The following FLRT2 variants were observed in gnomAD, a reference collection of about 807,000 sequenced individuals.
FLRT2 encodes leucine-rich repeat transmembrane protein FLRT2.
In FLRT2, 15 loss-of-function variants were observed where a neutral mutation model predicts 40.0. The ratio of observed to expected loss-of-function variants is 0.38; its 90% CI spans 0.25 to 0.58. The LOEUF is 0.58. FLRT2 is among the 20% of genes least tolerant of loss of function. The pLI is 0.71. For synonymous variants in FLRT2, 380 were observed against 336.8 expected, an observed-to-expected ratio of 1.13 and a Z score of -1.41; for missense variants, 726 against 840.0, an observed-to-expected ratio of 0.86 and a Z score of 1.68.
intron 1 of FLRT2, among the ~76,000 whole-genome samples, chr14:85,576,636 G>A (rs573595893): frequency 6.6e-6 from 1 of 152,286 alleles, no homozygotes; most frequent in East Asian, 1.9e-4. Flanking sequence ...AAATGCAATG[G>A]CAGTACACAC....
chr14:85,560,093 C>T (rs969997285), intron 1 of FLRT2, among the ~76,000 whole-genome samples: 12 of 152,184 alleles, frequency 7.9e-5, no homozygotes, highest in African/African-American at 1.4e-4. Flanking sequence ...CCAGCTCTGA[C>T]TCTTTGGGGC....
chr14:85,589,058 A>G (rs111405607), intron 1 of FLRT2, among the ~76,000 whole-genome samples: 1 of 152,330 alleles, frequency 6.6e-6, no homozygotes, highest in African/African-American at 2.4e-5. Flanking sequence ...GTGCTGCAAC[A>G]AACATGGGGA....
chr14:85,563,742 G>C (rs1407942092), intron 1 of FLRT2, among the ~76,000 whole-genome samples: 4 of 152,052 alleles, frequency 2.6e-5, no homozygotes, highest in Admixed American at 2.6e-4. Flanking sequence ...ACCATGACTT[G>C]GCTCAGATCT....
At chr14:85,565,218 A>G (rs1890564497) in intron 1 of FLRT2, among the ~76,000 whole-genome samples, 1 of 152,194 alleles carries the variant, frequency 6.6e-6, no homozygotes, top group East Asian at 1.9e-4. Context: ...TGACCCAAAT[A>G]GCATATGCAG....
rs1278367005 is a variant in FLRT2 at position 85,625,354 on chromosome 14, G to C, written c.*1857G>C. 29 of 167,026 alleles carry C rather than the reference G, an allele frequency of 1.7e-4. No homozygotes were observed. The allele number at this position is 167,026 out of a possible 1,614,324, so 10.3% of individuals were successfully genotyped here. A position where few individuals can be genotyped will look rare whatever the true frequency, so the allele number is the denominator to read the frequency against. The stretch of plus-strand genomic sequence containing the variant: ...ACTGTGATGTGTCTTCTTTGTAAAA[G>C]TTTAGGTATAAAATGCTATGCAACT... On this transcript the variant is annotated 3_prime_UTR_variant, in exon 2 of 2. Transcript: ENST00000330753.
At chr14:85,611,316 A>G (rs1280184982) in intron 1 of FLRT2, among the ~76,000 whole-genome samples, 3 of 152,222 alleles carry the variant, frequency 2.0e-5, no homozygotes, top group Non-Finnish European at 2.9e-5. Context: ...CATGAGAAAT[A>G]CTAGTTTTAA....
rs1316841407 is a variant in FLRT2, at chr14:85,631,399, A to G, written c.*7902A>G. 1 of 152,028 alleles carries G rather than the reference A, an allele frequency of 6.6e-6. No individual in the cohort carries two copies. Among genetic ancestry groups the G allele is most frequent in the African/African-American group, 2.4e-5 (1 of 41,362 alleles). The allele number at this position is 152,028 out of a possible 1,614,324, so 9.4% of individuals were successfully genotyped here. A position where few individuals can be genotyped will look rare whatever the true frequency, so the allele number is the denominator to read the frequency against. ...TTGTAATTTTTTGTGAGTCTGCTTC[A>G]TGCCTATACAATGGGGCCCCTGGAA... On this transcript the variant is annotated 3_prime_UTR_variant, in exon 2 of 2. Coordinates refer to ENST00000330753, the MANE Select transcript of FLRT2 (RefSeq NM_013231.6).
At position 85,640,761 on chromosome 14, in the gene FLRT2, A is replaced by T. The variant is rs1894130971; in HGVS notation, c.*17264A>T. On this transcript the variant is annotated 3_prime_UTR_variant, in exon 2 of 2. Coordinates refer to ENST00000330753, the MANE Select transcript of FLRT2 (RefSeq NM_013231.6). ...CCCTTGAGTAGAACATAGGCCACAT[A>T]GTGTGGCAAACACATCATTAGAAAC... The T allele has an allele frequency of 6.6e-6, 1 of 151,952 alleles. No homozygotes were observed. The highest frequency in any genetic ancestry group is 1.5e-5 in the Non-Finnish European group (1 of 68,024). The allele number at this position is 151,952 out of a possible 1,614,324, so 9.4% of individuals were successfully genotyped here. A position where few individuals can be genotyped will look rare whatever the true frequency, so the allele number is the denominator to read the frequency against.
At position 85,598,981 on chromosome 14, in the gene FLRT2, A is replaced by G. The variant is rs549352200; in HGVS notation, c.-376-22158A>G. Among the ~76,000 whole-genome samples the G allele has an allele frequency of 4.0e-4, 57 of 143,228 alleles. 1 individual carries two copies. The South Asian group carries it at 9.2e-3, about 23-fold the overall frequency. 94.0% of individuals were successfully genotyped at this position (143,228 alleles called of 152,430 possible). ...CGCCCAGGCTGGAGTGCAGTGGCACAGTCTTGGCTCACTGCAAGCTCCGCC... is the reference window on the plus strand; with the variant it reads ...CGCCCAGGCTGGAGTGCAGTGGCACGGTCTTGGCTCACTGCAAGCTCCGCC... On this transcript the variant is annotated intron_variant, in intron 1 of 1. Coordinates refer to ENST00000330753, the MANE Select transcript of FLRT2 (RefSeq NM_013231.6).
At chr14:85,560,503 C>A (rs551043130) in intron 1 of FLRT2, among the ~76,000 whole-genome samples, 3 of 151,970 alleles carry the variant, frequency 2.0e-5, no homozygotes, top group Non-Finnish European at 4.4e-5. Flanking sequence ...TGAACTGGGA[C>A]TCGGGAGGCG....
At chr14:85,579,144 C>T (rs748829897) in intron 1 of FLRT2, among the ~76,000 whole-genome samples, 15 of 152,252 alleles carry the variant, frequency 9.9e-5, no homozygotes, top group Admixed American at 2.0e-4. Context: ...CTCCTTCCCC[C>T]GGGAGCTGCC....
At position 85,638,926 on chromosome 14, in the gene FLRT2, A is replaced by T. The variant is rs1894077992; in HGVS notation, c.*15429A>T. ...AAACATACAGTGCAAAAAAGCAAACAAAAGTTAGCTAATAATCAATTCTTT... is the reference window on the plus strand; with the variant it reads ...AAACATACAGTGCAAAAAAGCAAACTAAAGTTAGCTAATAATCAATTCTTT... On this transcript the variant is annotated 3_prime_UTR_variant, in exon 2 of 2. Coordinates refer to ENST00000330753, the MANE Select transcript of FLRT2 (RefSeq NM_013231.6). 1 of 152,266 alleles carries T rather than the reference A, an allele frequency of 6.6e-6. No individual in the cohort carries two copies. Among genetic ancestry groups the T allele is most frequent in the Admixed American group, 6.5e-5 (1 of 15,290 alleles). The allele number at this position is 152,266 out of a possible 1,614,324, so 9.4% of individuals were successfully genotyped here.
intron 1 of FLRT2, among the ~76,000 whole-genome samples, chr14:85,540,420 ATCTGAGAC>A (rs1302738119): frequency 1.3e-5 from 2 of 152,140 alleles, no homozygotes; most frequent in Non-Finnish European, 2.9e-5. Context: ...CTATTGTCAA[ATCTGAGAC>A]TCTTAATTTT....
At chr14:85,600,893 A>G (rs1298454684) in intron 1 of FLRT2, among the ~76,000 whole-genome samples, 1 of 152,204 alleles carries the variant, frequency 6.6e-6, no homozygotes, top group Non-Finnish European at 1.5e-5. Flanking sequence ...TGCTGCACAG[A>G]GTGTTATCCA....
rs1894021992 is a variant in FLRT2, at chr14:85,636,951, AAAAG to A, written c.*13456_*13459del. On this transcript the variant is annotated 3_prime_UTR_variant, in exon 2 of 2. Coordinates refer to ENST00000330753, the MANE Select transcript of FLRT2 (RefSeq NM_013231.6). Reference sequence around the variant, plus strand: ...CTCCAAAAAAAAAAAAAAAAAAAAAAAAAGAGAGAGACTAACATTCTAACAGACA... The same window carrying A: ...CTCCAAAAAAAAAAAAAAAAAAAAAAAGAGAGACTAACATTCTAACAGACA... The A allele has an allele frequency of 6.6e-6, 1 of 150,768 alleles. No individual in the cohort carries two copies. The highest frequency in any genetic ancestry group is 2.4e-5 in the African/African-American group (1 of 41,008). 9.3% of individuals were successfully genotyped at this position (150,768 alleles called of 1,614,324 possible).
Position 85,621,222 on chromosome 14 carries a change from C to G in FLRT2, c.-293C>G. ...AAAAGAAGAAGAGAGTTCTGCCTGC[C>G]CACTTGGGCTTGTGTTGACACGGCT... On this transcript the variant is annotated 5_prime_UTR_variant, in exon 2 of 2. Coordinates refer to ENST00000330753, the MANE Select transcript of FLRT2 (RefSeq NM_013231.6). The G allele has an allele frequency of 2.3e-6, 1 of 427,050 alleles. No homozygotes were observed. The highest frequency in any genetic ancestry group is 4.1e-6 in the Non-Finnish European group (1 of 241,890). The allele number at this position is 427,050 out of a possible 1,614,324, so 26.5% of individuals were successfully genotyped here. A position where few individuals can be genotyped will look rare whatever the true frequency, so the allele number is the denominator to read the frequency against.
At chr14:85,593,771 A>G (rs1412825827) in intron 1 of FLRT2, among the ~76,000 whole-genome samples, 1 of 152,218 alleles carries the variant, frequency 6.6e-6, no homozygotes, top group Non-Finnish European at 1.5e-5. Flanking sequence ...ATATTTAAAA[A>G]TTATGTTTTT....
chr14:85,564,203 A>G (rs1890509588), intron 1 of FLRT2, among the ~76,000 whole-genome samples: 1 of 152,184 alleles, frequency 6.6e-6, no homozygotes, highest in South Asian at 2.1e-4. Flanking sequence ...GCCAAATGGC[A>G]TTGTTTTCTC....
intron 1 of FLRT2, among the ~76,000 whole-genome samples, chr14:85,591,515 A>G (rs1891884331): frequency 6.6e-6 from 1 of 152,224 alleles, no homozygotes; most frequent in Admixed American, 6.5e-5. Context: ...TCCCAATTAG[A>G]AATTTGGCAA....
Sources: allele counts gnomAD v4.1 joint callset (sites outside exome capture counted in the v4.1 genomes callset), GRCh38; gene constraint gnomAD v4.1.1; transcripts MANE v1.5; gene names NCBI Gene and HGNC (gene_info 2026-07-23, HGNC 2026-07-21).